NHSL1: variants seen among roughly 807,000 people sequenced by gnomAD.
NHSL1 encodes NHS-like protein 1.
In NHSL1, 48 loss-of-function variants were observed where a neutral mutation model predicts 95.0. The ratio of observed to expected loss-of-function variants is 0.51; its 90% CI spans 0.40 to 0.64. The LOEUF is 0.64. Ranked by LOEUF, NHSL1 falls within the 30% of genes least tolerant of loss-of-function variation. The pLI is 0.00. For synonymous variants in NHSL1, 783 were observed against 833.9 expected (o/e 0.94, Z 1.05); for missense variants, 1,971 against 2,077.7 (o/e 0.95, Z 1.00).
chr6:138,459,518 G>A (rs1454916579), intron 3 of NHSL1, among the ~76,000 whole-genome samples: 1 of 152,146 alleles, frequency 6.6e-6, no homozygotes, highest in Non-Finnish European at 1.5e-5. Context: ...ACCCAAGAAA[G>A]ACTTAACCAT....
intron 1 of NHSL1, among the ~76,000 whole-genome samples, chr6:138,538,610 C>T (rs952767847): frequency 6.6e-6 from 1 of 152,126 alleles, no homozygotes; most frequent in African/African-American, 2.4e-5. Context: ...GGCGTCTGTC[C>T]CAACTTTTAT....
Position 138,424,849 on chromosome 6 carries a change from T to C in NHSL1, c.4086-33A>G. The C allele has an allele frequency of 1.3e-6, 2 of 1,524,516 alleles. No homozygotes were observed. The highest frequency in any genetic ancestry group is 1.8e-6 in the Non-Finnish European group (2 of 1,129,620). The allele number at this position is 1,524,516 out of a possible 1,614,324, so 94.4% of individuals were successfully genotyped here. On this transcript the variant is annotated intron_variant, in intron 7 of 7. Transcript: ENST00000343505. The surrounding 1 kb of genome is among the most constrained non-coding windows in gnomAD (Gnocchi z 5.9). ...TTAATAACATTAAGAAAAAGGTTAA[T>C]TCCCACGGGACCACAGGCTGTCAGC... is the stretch of plus-strand genomic sequence containing the variant.
chr6:138,659,475 AC>A (rs1785198342), intron 1 of NHSL1, among the ~76,000 whole-genome samples: 1 of 152,060 alleles, frequency 6.6e-6, no homozygotes, highest in Admixed American at 6.5e-5. Flanking sequence ...TTTCTCCCAA[AC>A]CAAAGAATAG....
intron 1 of NHSL1, among the ~76,000 whole-genome samples, chr6:138,567,387 C>T (rs759435646): frequency 2.1e-4 from 32 of 152,200 alleles, no homozygotes; most frequent in Admixed American, 3.3e-4. Context: ...CTTCGGCCTC[C>T]GAAAATGTTG....
At chr6:138,482,588 G>A (rs1355442080) in intron 2 of NHSL1, among the ~76,000 whole-genome samples, 1 of 151,964 alleles carries the variant, frequency 6.6e-6, no homozygotes, top group Admixed American at 6.6e-5. Context: ...CTGTGCTTTG[G>A]CCAGCCATTT....
Position 138,499,494 on chromosome 6 carries a change from T to C in NHSL1, c.-204A>G. The stretch of plus-strand genomic sequence containing the variant: ...ACAAACCATTAACAGTCCTTGAACC[T>C]GAAAAACTCCTACTGAAACCTAATC... On this transcript the variant is annotated 5_prime_UTR_variant, in exon 1 of 8. Coordinates refer to ENST00000343505, the MANE Select transcript of NHSL1 (RefSeq NM_001144060.2). 8.3e-7 allele frequency: 1 copy of C among 1,202,956 alleles called. No individual in the cohort carries two copies. The highest frequency in any genetic ancestry group is 1.1e-6 in the Non-Finnish European group (1 of 924,442). The allele number at this position is 1,202,956 out of a possible 1,614,324, so 74.5% of individuals were successfully genotyped here.
chr6:138,669,096 C>A (rs189540776), intron 1 of NHSL1, among the ~76,000 whole-genome samples: 5 of 152,124 alleles, frequency 3.3e-5, no homozygotes, highest in Admixed American at 3.3e-4. Flanking sequence ...ATGGTGGTAT[C>A]CTTCATAGAA....
At position 138,656,695 on chromosome 6, in the gene NHSL1, C is replaced by T. The variant is rs77598136; in HGVS notation, c.96+35781G>A. ...AACATAAGTTTTCTTTGTGGTTGTCCTCGTAGGATAATTTGTGGTGCTGAG... is the reference window on the plus strand; with the variant it reads ...AACATAAGTTTTCTTTGTGGTTGTCTTCGTAGGATAATTTGTGGTGCTGAG... On this transcript the variant is annotated intron_variant, in intron 1 of 3. Transcript: ENST00000491526. Among the ~76,000 whole-genome samples, 190 of 152,150 alleles carry T rather than the reference C, an allele frequency of 1.2e-3. 4 individuals are homozygous for T. The East Asian group carries it at 0.033, about 27-fold the overall frequency.
At chr6:138,665,620 T>C (rs754180608) in intron 1 of NHSL1, among the ~76,000 whole-genome samples, 1 of 152,222 alleles carries the variant, frequency 6.6e-6, no homozygotes, top group African/African-American at 2.4e-5. Flanking sequence ...ACTTATCAAT[T>C]ATGGTAAATT....
At chr6:138,598,161 A>T (rs769133642) in intron 1 of NHSL1, among the ~76,000 whole-genome samples, 2 of 152,042 alleles carry the variant, frequency 1.3e-5, no homozygotes, top group Non-Finnish European at 2.9e-5. Flanking sequence ...ACAAATAATA[A>T]TTTTTTAAAA....
chr6:138,430,574 G>A lies in NHSL1; in HGVS notation c.3771C>T (p.His1257=). Residue 1257 remains histidine, a synonymous_variant, in exon 6 of 8, where the codon CAC becomes CAT. Coordinates refer to ENST00000343505, the MANE Select transcript of NHSL1 (RefSeq NM_001144060.2). The surrounding 1 kb of genome is among the most constrained non-coding windows in gnomAD (Gnocchi z 4.7). ...CTCCCTCAAGAACCGAGGTGCCAGGGTGCGTGGCATGAGAGCCAGCTTGGG... is the reference window on the plus strand; with the variant it reads ...CTCCCTCAAGAACCGAGGTGCCAGGATGCGTGGCATGAGAGCCAGCTTGGG... ...SAAQAGSHAT[H]PGTSVLEGGA... 1 of 1,550,772 alleles carries A rather than the reference G, an allele frequency of 6.4e-7. No homozygotes were observed. Among genetic ancestry groups the A allele is most frequent in the South Asian group, 1.2e-5 (1 of 84,020 alleles).
At chr6:138,507,285 G>A (rs1781010386) in intron 1 of NHSL1, among the ~76,000 whole-genome samples, 1 of 152,082 alleles carries the variant, frequency 6.6e-6, no homozygotes, top group South Asian at 2.1e-4. Context: ...ATTATCCCAG[G>A]TTATAGGAAA....
intron 2 of NHSL1, among the ~76,000 whole-genome samples, chr6:138,488,227 G>A (rs768531817): frequency 6.0e-5 from 9 of 151,188 alleles, no homozygotes; most frequent in Non-Finnish European, 1.2e-4. Context: ...GCAGTGAGCC[G>A]AGATCACACC....
intron 1 of NHSL1, among the ~76,000 whole-genome samples, chr6:138,582,780 T>C (rs1027133382): frequency 7.9e-5 from 12 of 152,168 alleles, no homozygotes; most frequent in Non-Finnish European, 4.4e-5. Flanking sequence ...TGACTCTTTA[T>C]CTCCTCCATC....
intron 2 of NHSL1, among the ~76,000 whole-genome samples, chr6:138,481,820 GCCT>G (rs1308071993): frequency 6.6e-6 from 1 of 151,980 alleles, no homozygotes; most frequent in Non-Finnish European, 1.5e-5. Context: ...ACTCAAATTT[GCCT>G]CCTAATAAAT....
At chr6:138,425,102 A>C (rs1429088716) in intron 7 of NHSL1, among the ~76,000 whole-genome samples, 2 of 152,040 alleles carry the variant, frequency 1.3e-5, no homozygotes, top group Non-Finnish European at 2.9e-5. Flanking sequence ...TGCATAATTT[A>C]TTTTATTTTT....
rs879673413 is a variant in NHSL1 at position 138,514,986 on chromosome 6, T to TA, written c.17-18616dup. Reference sequence around the variant, plus strand: ...CACCCTTCTTCTGAGGACGTAAGATTAAAAAAAAAAAGTGTCTACATGATG... The same window carrying TA: ...CACCCTTCTTCTGAGGACGTAAGATTAAAAAAAAAAAAGTGTCTACATGATG... On this transcript the variant is annotated intron_variant, in intron 1 of 4. Transcript: ENST00000342260. Among the ~76,000 whole-genome samples the TA allele has an allele frequency of 4.2e-3, 611 of 144,516 alleles. 4 individuals are homozygous for TA. Among genetic ancestry groups the TA allele is most frequent in the African/African-American group, 0.014 (568 of 39,590 alleles). 94.8% of individuals were successfully genotyped at this position (144,516 alleles called of 152,430 possible).
At chr6:138,537,874 A>T (rs995753977) in intron 1 of NHSL1, among the ~76,000 whole-genome samples, 1 of 152,136 alleles carries the variant, frequency 6.6e-6, no homozygotes, top group Non-Finnish European at 1.5e-5. Flanking sequence ...AACAACCAGA[A>T]GTCTTGGGGC....
chr6:138,532,096 G>A (rs907704267), intron 1 of NHSL1, among the ~76,000 whole-genome samples: 4 of 152,196 alleles, frequency 2.6e-5, no homozygotes, highest in African/African-American at 7.2e-5. Flanking sequence ...ACTGAATCCT[G>A]TAAGTCTAAT....
Sources: gnomAD v4.1 joint callset for allele counts (sites outside exome capture counted in the v4.1 genomes callset) on GRCh38, gnomAD v4.1.1 for gene constraint, Gnocchi (gnomAD v3.1) non-coding constraint, MANE v1.5 for transcripts, NCBI Gene and HGNC (gene_info 2026-07-23, HGNC 2026-07-21) for gene names.